Variants in TRPM3 observed in about 807,000 individuals in gnomAD.
TRPM3 encodes long transient receptor potential channel 3.
TRPM3 carries 77 observed loss-of-function variants against 181.2 expected under a neutral mutation model. The ratio of observed to expected loss-of-function variants is 0.42; its 90% CI spans 0.35 to 0.51. The LOEUF is 0.51. TRPM3 is among the 20% of genes least tolerant of loss of function. The probability of loss-of-function intolerance (pLI) is 0.01; values close to 1 mark genes in which losing one functional copy is unlikely to be tolerated. For synonymous variants in TRPM3, 745 were observed against 796.4 expected, an observed-to-expected ratio of 0.94 and a Z score of 1.09; for missense variants, 1,759 against 2,196.7, an observed-to-expected ratio of 0.80 and a Z score of 3.98.
At position 70,950,656 on chromosome 9, in the gene TRPM3, C is replaced by A. The variant is rs1331998951; in HGVS notation, c.178-86145G>T. On this transcript the variant is annotated intron_variant, in intron 1 of 25. Transcript: ENST00000677713. ...CAGGTTTGGAAGCAAATGGAATTAA[C>A]CAAAATGAAGGAAAGAGGAGAAAAC... Among the ~76,000 whole-genome samples, 6 of 152,218 alleles carry A rather than the reference C, an allele frequency of 3.9e-5. No homozygotes were observed. In the East Asian group the frequency reaches 1.2e-3, roughly 29 times the overall value.
chr9:71,182,647 G>C (rs926144052), intron 1 of TRPM3, among the ~76,000 whole-genome samples: 9 of 151,972 alleles, frequency 5.9e-5, no homozygotes, highest in Non-Finnish European at 1.2e-4. Context: ...ACTTATGTTA[G>C]CAAGATGCTC....
chr9:71,423,154 G>A (rs766895944), intron 1 of TRPM3, among the ~76,000 whole-genome samples: 19 of 151,928 alleles, frequency 1.3e-4, no homozygotes, highest in Non-Finnish European at 2.1e-4. Context: ...ATTTCCTGCT[G>A]TGAGCAAGTT....
At chr9:71,278,509 G>C (rs891145219) in intron 1 of TRPM3, among the ~76,000 whole-genome samples, 6 of 152,158 alleles carry the variant, frequency 3.9e-5, no homozygotes, top group African/African-American at 1.4e-4. Flanking sequence ...GAGGAATAAA[G>C]TGTTAATTTT....
intron 1 of TRPM3, among the ~76,000 whole-genome samples, chr9:71,147,572 C>T (rs12349882): frequency 0.078 from 11,834 of 152,138 alleles, 565 homozygotes; most frequent in African/African-American, 0.13. Context: ...CCTATACATA[C>T]ACTTGACAAA....
chr9:71,328,664 A>T (rs1457554862), intron 1 of TRPM3, among the ~76,000 whole-genome samples: 1 of 152,206 alleles, frequency 6.6e-6, no homozygotes, highest in East Asian at 1.9e-4. Context: ...TCTTTTGGTC[A>T]ATTTCCTCAT....
At chr9:70,646,465 A>G (rs1247344175) in intron 9 of TRPM3, among the ~76,000 whole-genome samples, 1 of 152,202 alleles carries the variant, frequency 6.6e-6, no homozygotes, top group Non-Finnish European at 1.5e-5. Context: ...AAACTAACAC[A>G]GGAGCAGAAA....
At chr9:71,330,299 A>T (rs1180839543) in intron 1 of TRPM3, among the ~76,000 whole-genome samples, 1 of 151,882 alleles carries the variant, frequency 6.6e-6, no homozygotes, top group African/African-American at 2.4e-5. Context: ...ACAGTAACTC[A>T]ATTAGGGAAC....
At chr9:70,910,808 G>A (rs1462349604) in intron 1 of TRPM3, among the ~76,000 whole-genome samples, 1 of 152,098 alleles carries the variant, frequency 6.6e-6, no homozygotes, top group East Asian at 1.9e-4. Flanking sequence ...TACCCTATGA[G>A]GTCATTACTA....
At chr9:71,120,892 T>C (rs926022545) in intron 1 of TRPM3, among the ~76,000 whole-genome samples, 1 of 151,560 alleles carries the variant, frequency 6.6e-6, no homozygotes, top group Non-Finnish European at 1.5e-5. Flanking sequence ...GTTTTAGGAA[T>C]GGTTAAAAGG....
At chr9:71,113,493 C>T (rs879765550) in intron 1 of TRPM3, among the ~76,000 whole-genome samples, 3 of 152,160 alleles carry the variant, frequency 2.0e-5, no homozygotes, top group Non-Finnish European at 4.4e-5. Context: ...ACTTAATGTG[C>T]TTTCTCTGCT....
At chr9:71,274,360 C>G (rs1458573697) in intron 1 of TRPM3, among the ~76,000 whole-genome samples, 1 of 152,170 alleles carries the variant, frequency 6.6e-6, no homozygotes, top group Non-Finnish European at 1.5e-5. Flanking sequence ...GCTCTGATTT[C>G]CTTCAGAATG....
chr9:70,536,135 C>T lies in TRPM3; in HGVS notation c.4978G>A (p.Ala1660Thr), dbSNP rs1439382316. ...ATGGAGAAGCTCTTCCTGGTGTGTG[C>T]ATATGGCGCACTTGGCTCCTCTGCC... ...YSAEEPSAPY[A>T]HTRKSFSISD... Residue 1660 changes from alanine (A) to threonine (T), a missense_variant, in exon 26 of 26, where the codon GCA becomes ACA. Ala to Thr is a moderately conservative substitution (Grantham distance 58). Transcript: ENST00000677713. The T allele has an allele frequency of 6.2e-7, 1 of 1,614,088 alleles. No individual in the cohort carries two copies. The highest frequency in any genetic ancestry group is 8.5e-7 in the Non-Finnish European group (1 of 1,180,044).
chr9:70,940,197 TA>T (rs1171281111), intron 1 of TRPM3, among the ~76,000 whole-genome samples: 1 of 152,228 alleles, frequency 6.6e-6, no homozygotes, highest in African/African-American at 2.4e-5. Context: ...TCAGCCTCGT[TA>T]AAACCTTTTG....
chr9:70,790,297 T>C (rs926180009), intron 6 of TRPM3, among the ~76,000 whole-genome samples: 1 of 152,154 alleles, frequency 6.6e-6, no homozygotes, highest in African/African-American at 2.4e-5. Context: ...CCACAGATCA[T>C]GATTATTACA....
chr9:71,175,735 G>T (rs1473223192), intron 1 of TRPM3, among the ~76,000 whole-genome samples: 2 of 152,150 alleles, frequency 1.3e-5, no homozygotes, highest in African/African-American at 4.8e-5. Context: ...AATGAGAAAG[G>T]ACATGGATAG....
chr9:71,019,832 G>A (rs1338028639), intron 1 of TRPM3, among the ~76,000 whole-genome samples: 5 of 152,110 alleles, frequency 3.3e-5, no homozygotes, highest in African/African-American at 1.2e-4. Flanking sequence ...GCTAGAGTGT[G>A]TCAGTGCAAA....
rs550048843 is a variant in TRPM3, at chr9:70,625,693, C to A, written c.1633-176G>T. On this transcript the variant is annotated intron_variant, in intron 12 of 25. Transcript: ENST00000677713. The surrounding 1 kb of genome is among the most constrained non-coding windows in gnomAD (Gnocchi z 4.8). ...CTCCCAGGCACTAGGAACTAGGTTT[C>A]CCCAGATGCTCCCCAAGCCCGCATT... Among the ~76,000 whole-genome samples, 1 of 152,210 alleles carries A rather than the reference C, an allele frequency of 6.6e-6. No homozygotes were observed. The highest frequency in any genetic ancestry group is 1.9e-4 in the East Asian group (1 of 5,184).
chr9:71,251,560 G>A (rs1186693303), intron 1 of TRPM3, among the ~76,000 whole-genome samples: 1 of 151,846 alleles, frequency 6.6e-6, no homozygotes, highest in Non-Finnish European at 1.5e-5. Context: ...TTCTCCAAAG[G>A]AATTTTTTTA....
chr9:70,562,717 G>A (rs2049439211), intron 22 of TRPM3, among the ~76,000 whole-genome samples: 1 of 151,968 alleles, frequency 6.6e-6, no homozygotes, highest in Non-Finnish European at 1.5e-5. Context: ...TATATATCTA[G>A]CTTTACCTGG....
Sources: gnomAD v4.1 joint callset for allele counts (sites outside exome capture counted in the v4.1 genomes callset) on GRCh38, gnomAD v4.1.1 for gene constraint, Gnocchi (gnomAD v3.1) non-coding constraint, MANE v1.5 for transcripts, NCBI Gene and HGNC (gene_info 2026-07-23, HGNC 2026-07-21) for gene names.